Variants in DPYSL5 observed in about 807,000 individuals in gnomAD.
DPYSL5 encodes the protein dihydropyrimidinase-related protein 5.
In DPYSL5, 9 loss-of-function variants were observed where a neutral mutation model predicts 58.4. That is an observed-to-expected ratio of 0.15 (90% confidence interval 0.09 to 0.27). The LOEUF (loss-of-function observed/expected upper bound fraction) is 0.27. Among genes scored for constraint, DPYSL5 ranks in the 10% least tolerant of loss-of-function variants. The pLI, the probability that DPYSL5 is intolerant of heterozygous loss-of-function variation, is 1.00. For synonymous variants in DPYSL5, 293 were observed against 301.9 expected (o/e 0.97, Z 0.31); for missense variants, 499 against 770.6 (o/e 0.65, Z 4.17).
At chr2:26,888,243 T>G (rs558848265) in intron 1 of DPYSL5, among the ~76,000 whole-genome samples, 12 of 145,328 alleles carry the variant, frequency 8.3e-5, no homozygotes, top group African/African-American at 3.2e-4. Flanking sequence ...CTTTCTTTCT[T>G]TCTTTCTTTC....
intron 1 of DPYSL5, among the ~76,000 whole-genome samples, chr2:26,889,972 C>T (rs1663830519): frequency 6.6e-6 from 1 of 152,206 alleles, no homozygotes; most frequent in South Asian, 2.1e-4. Context: ...TGAGTGTCCA[C>T]AGTCCACAGC....
intron 2 of DPYSL5, among the ~76,000 whole-genome samples, chr2:26,918,648 G>A (rs1664634514): frequency 6.6e-6 from 1 of 152,134 alleles, no homozygotes; most frequent in Non-Finnish European, 1.5e-5. Flanking sequence ...GTGCTTACCA[G>A]TTTACAGAGC....
At chr2:26,889,063 C>T (rs1027643516) in intron 1 of DPYSL5, among the ~76,000 whole-genome samples, 1 of 152,058 alleles carries the variant, frequency 6.6e-6, no homozygotes, top group Non-Finnish European at 1.5e-5. Context: ...CAAAGGCCTC[C>T]CAAAGGCCCC....
In DPYSL5 at chr2:26,934,457, T is replaced by C; in HGVS notation, c.791-121T>C. On this transcript the variant is annotated intron_variant, in intron 7 of 12. Transcript: ENST00000288699. The surrounding 1 kb of genome is among the most constrained non-coding windows in gnomAD (Gnocchi z 4.3). ...CTGTGCTCTTAAAAGCCCTGTGAGC[T>C]TGGGCAGGTCCCTTCCTGTCTCTGA... 8.2e-7 allele frequency: 1 copy of C among 1,216,702 alleles called. No homozygotes were observed. Among genetic ancestry groups the C allele is most frequent in the East Asian group, 2.4e-5 (1 of 41,638 alleles). 75.4% of individuals were successfully genotyped at this position (1,216,702 alleles called of 1,614,324 possible).
chr2:26,947,017 G>A lies in DPYSL5; in HGVS notation c.*22G>A. On this transcript the variant is annotated 3_prime_UTR_variant, in exon 13 of 13. Coordinates refer to ENST00000288699, the MANE Select transcript of DPYSL5 (RefSeq NM_020134.4). This position sits in a 1 kb window ranked among gnomAD's most constrained non-coding sequence, Gnocchi z 4.2. ...GTAAAGGCATTGCCAAGCCCCCCGA[G>A]TGAGGACGCACCGCCGCCACCAGCC... is the stretch of plus-strand genomic sequence containing the variant. 1 of 1,583,610 alleles carries A rather than the reference G, an allele frequency of 6.3e-7. No homozygotes were observed. Among genetic ancestry groups the A allele is most frequent in the Non-Finnish European group, 8.7e-7 (1 of 1,154,556 alleles).
intron 12 of DPYSL5, among the ~76,000 whole-genome samples, chr2:26,946,516 G>T (rs1000543129): frequency 6.6e-6 from 1 of 151,566 alleles, no homozygotes; most frequent in Non-Finnish European, 1.5e-5. Flanking sequence ...TTCATTTTCC[G>T]AAACAATGGC....
At chr2:26,874,293 T>C (rs79528949) in intron 1 of DPYSL5, among the ~76,000 whole-genome samples, 2 of 152,304 alleles carry the variant, frequency 1.3e-5, no homozygotes, top group African/African-American at 4.8e-5. Flanking sequence ...CATTTAACAA[T>C]TTTATCTTTT....
At chr2:26,863,285 C>T (rs1194673826) in intron 1 of DPYSL5, among the ~76,000 whole-genome samples, 1 of 152,228 alleles carries the variant, frequency 6.6e-6, no homozygotes, top group African/African-American at 2.4e-5. Flanking sequence ...AGGCCATTGG[C>T]ATCCTCCCCC....
At chr2:26,878,285 T>A in intron 1 of DPYSL5, among the ~76,000 whole-genome samples, 1 of 152,244 alleles carries the variant, frequency 6.6e-6, no homozygotes, top group Admixed American at 6.5e-5. Flanking sequence ...TAGCTATTTA[T>A]GTCCCTCCTC....
chr2:26,855,307 T>G (rs1333473186), intron 1 of DPYSL5, among the ~76,000 whole-genome samples: 1 of 151,920 alleles, frequency 6.6e-6, no homozygotes, highest in Non-Finnish European at 1.5e-5. Context: ...CAGGTGCCTG[T>G]AGTCCCAGCT....
Position 26,931,681 on chromosome 2 carries a change from C to A in DPYSL5, c.711C>A (p.Asn237Lys). The change falls in exon 6 of 13, where the codon AAC (asparagine) becomes AAA (lysine). Residue 237 changes from asparagine (N) to lysine (K), a missense_variant. This residue lies in a region of DPYSL5 where 404 missense variants were observed against 647.6 expected (regional missense o/e 0.62). Transcript: ENST00000288699. ...EATHRVITIA[N>K]RTHCPIYLVN... Reference sequence around the variant, plus strand: ...CTCATCGTGTTATCACCATTGCAAACAGGGTAAGTCCCCCGATGTCCACTG... The same window carrying A: ...CTCATCGTGTTATCACCATTGCAAAAAGGGTAAGTCCCCCGATGTCCACTG... 1.2e-6 allele frequency: 2 copies of A among 1,613,862 alleles called. No homozygotes were observed. The highest frequency in any genetic ancestry group is 1.7e-6 in the Non-Finnish European group (2 of 1,179,888).
intron 2 of DPYSL5, among the ~76,000 whole-genome samples, chr2:26,904,021 C>T (rs984861517): frequency 5.3e-5 from 8 of 152,340 alleles, no homozygotes; most frequent in South Asian, 2.1e-4. Context: ...TCAAAATTAG[C>T]ATTGGGGTAT....
At position 26,849,848 on chromosome 2, in the gene DPYSL5, G is replaced by C. The variant is rs1665703492; in HGVS notation, c.-5+1594G>C. Among the ~76,000 whole-genome samples the C allele has an allele frequency of 6.6e-6, 1 of 152,218 alleles. No individual in the cohort carries two copies. The highest frequency in any genetic ancestry group is 2.4e-5 in the African/African-American group (1 of 41,466). On this transcript the variant is annotated intron_variant, in intron 1 of 12. Coordinates refer to ENST00000288699, the MANE Select transcript of DPYSL5 (RefSeq NM_020134.4). This position sits in a 1 kb window ranked among gnomAD's most constrained non-coding sequence, Gnocchi z 6.2. Reference sequence around the variant, plus strand: ...GTGGGAGGCGCTCCCCCGGCCTGGGGGCCTGCAGACAGCCACCCCCCCACT... The same window carrying C: ...GTGGGAGGCGCTCCCCCGGCCTGGGCGCCTGCAGACAGCCACCCCCCCACT...
chr2:26,939,721 T>A, intron 8 of DPYSL5: 1 of 299,092 alleles, frequency 3.3e-6, no homozygotes, highest in Admixed American at 4.5e-5. Context: ...ACCTCCACCA[T>A]CTCACTTCAG....
chr2:26,901,711 TC>T (rs1357559166), intron 2 of DPYSL5, among the ~76,000 whole-genome samples: 1 of 152,156 alleles, frequency 6.6e-6, no homozygotes, highest in East Asian at 1.9e-4. Flanking sequence ...TCAAGTTGCA[TC>T]TTTTTGTTCT....
At chr2:26,863,123 C>G (rs1666058736) in intron 1 of DPYSL5, among the ~76,000 whole-genome samples, 1 of 152,208 alleles carries the variant, frequency 6.6e-6, no homozygotes, top group South Asian at 2.1e-4. Context: ...ATGGGGAGCC[C>G]AGTCCCTTCC....
chr2:26,862,458 G>T (rs1235365478), intron 1 of DPYSL5, among the ~76,000 whole-genome samples: 2 of 152,182 alleles, frequency 1.3e-5, no homozygotes, highest in Non-Finnish European at 2.9e-5. Context: ...GATCTACTTG[G>T]GTCTATAGGG....
chr2:26,869,926 G>A (rs1663215068), intron 1 of DPYSL5, among the ~76,000 whole-genome samples: 1 of 152,158 alleles, frequency 6.6e-6, no homozygotes, highest in African/African-American at 2.4e-5. Flanking sequence ...TAGGAGAATT[G>A]CTTGAACCTG....
At chr2:26,868,548 C>G (rs1663173093) in intron 1 of DPYSL5, among the ~76,000 whole-genome samples, 1 of 152,132 alleles carries the variant, frequency 6.6e-6, no homozygotes, top group South Asian at 2.1e-4. Flanking sequence ...AATTTTCTTC[C>G]AGATGAATAA....
Sources: gnomAD v4.1 joint callset for allele counts (sites outside exome capture counted in the v4.1 genomes callset) on GRCh38, gnomAD v4.1.1 for gene constraint, gnomAD v4.1.1 regional missense constraint, Gnocchi (gnomAD v3.1) non-coding constraint, MANE v1.5 for transcripts, NCBI Gene and HGNC (gene_info 2026-07-23, HGNC 2026-07-21) for gene names.